The following NLGN1 variants were observed in gnomAD, a reference collection of about 807,000 sequenced individuals.
The protein encoded by NLGN1 is neuroligin-1.
A neutral mutation model predicts 65.5 loss-of-function variants in NLGN1; 12 were observed. That is an observed-to-expected ratio of 0.18 (90% CI 0.12 to 0.30). The LOEUF is 0.30. NLGN1 is among the 10% of genes least tolerant of loss of function. The pLI, the probability that NLGN1 is intolerant of heterozygous loss-of-function variation, is 1.00. For synonymous variants in NLGN1, 350 were observed against 359.5 expected (o/e 0.97, Z 0.30); for missense variants, 750 against 1,007.1 (o/e 0.74, Z 3.46).
At chr3:173,941,503 A>G (rs1746083654) in intron 4 of NLGN1, among the ~76,000 whole-genome samples, 1 of 151,972 alleles carries the variant, frequency 6.6e-6, no homozygotes, top group Non-Finnish European at 1.5e-5. Context: ...GCCTAAAACA[A>G]GGCAATTGAC....
intron 2 of NLGN1, among the ~76,000 whole-genome samples, chr3:173,528,287 A>G (rs551268068): frequency 2.0e-5 from 3 of 152,306 alleles, no homozygotes; most frequent in East Asian, 1.9e-4. Flanking sequence ...ATAGGTCTCA[A>G]TGTCTTCTGG....
chr3:173,696,110 C>T (rs1172652731), intron 3 of NLGN1, among the ~76,000 whole-genome samples: 1 of 152,120 alleles, frequency 6.6e-6, no homozygotes, highest in African/African-American at 2.4e-5. Flanking sequence ...CTGAGCCTGG[C>T]CTTATTTATA....
At chr3:173,424,268 C>T (rs1715690691) in intron 1 of NLGN1, among the ~76,000 whole-genome samples, 1 of 152,174 alleles carries the variant, frequency 6.6e-6, no homozygotes, top group South Asian at 2.1e-4. Flanking sequence ...GGAGGGGCTG[C>T]TCTGAAGGTC....
At chr3:173,897,942 A>T (rs563158469) in intron 4 of NLGN1, among the ~76,000 whole-genome samples, 74 of 152,324 alleles carry the variant, frequency 4.9e-4, no homozygotes, top group South Asian at 1.9e-3. Context: ...GTACTGTAAA[A>T]GTTAACACTG....
At chr3:173,941,791 G>T (rs933871458) in intron 4 of NLGN1, among the ~76,000 whole-genome samples, 3 of 151,672 alleles carry the variant, frequency 2.0e-5, no homozygotes, top group African/African-American at 7.3e-5. Context: ...AATTATTCAG[G>T]AACTAACTAT....
chr3:173,735,232 C>A (rs556773544), intron 3 of NLGN1, among the ~76,000 whole-genome samples: 1 of 152,126 alleles, frequency 6.6e-6, no homozygotes, highest in South Asian at 2.1e-4. Context: ...AAGTAACAAC[C>A]AAAATGCAAA....
chr3:173,397,488 A>C (rs1316315089), upstream of NLGN1, among the ~76,000 whole-genome samples: 2 of 151,844 alleles, frequency 1.3e-5, no homozygotes, highest in African/African-American at 4.8e-5. Context: ...GGCAGTTTGT[A>C]AATTGCCCGT....
At chr3:173,513,265 G>A (rs1733283726) in intron 2 of NLGN1, among the ~76,000 whole-genome samples, 2 of 151,998 alleles carry the variant, frequency 1.3e-5, no homozygotes, top group Non-Finnish European at 2.9e-5. Context: ...AGGTGGTAGA[G>A]CTCCTGTAGG....
chr3:174,205,799 T>G (rs9842042), intron 4 of NLGN1, among the ~76,000 whole-genome samples: 80,595 of 152,058 alleles, frequency 0.53, 22,087 homozygotes, highest in East Asian at 0.8. Flanking sequence ...TTTATTTTAA[T>G]ATGTTTCCAC....
At chr3:173,821,321 A>G (rs1720248101) in intron 4 of NLGN1, among the ~76,000 whole-genome samples, 1 of 152,188 alleles carries the variant, frequency 6.6e-6, no homozygotes, top group Non-Finnish European at 1.5e-5. Context: ...AACATGCTCA[A>G]ACAGAAGTAA....
chr3:173,993,942 A>G (rs889725466), intron 4 of NLGN1, among the ~76,000 whole-genome samples: 5 of 151,942 alleles, frequency 3.3e-5, no homozygotes, highest in African/African-American at 1.2e-4. Context: ...ATGTGTGTAT[A>G]TATATAGTAA....
intron 4 of NLGN1, among the ~76,000 whole-genome samples, chr3:174,028,139 A>C (rs1729227542): frequency 6.6e-6 from 1 of 152,180 alleles, no homozygotes; most frequent in South Asian, 2.1e-4. Context: ...TTTCCTTAAA[A>C]AGAGTACAGA....
intron 2 of NLGN1, among the ~76,000 whole-genome samples, chr3:173,493,235 A>C (rs918646733): frequency 1.3e-5 from 2 of 151,802 alleles, no homozygotes; most frequent in African/African-American, 2.4e-5. Flanking sequence ...CGCTTTTCTG[A>C]GAATTCTATC....
intron 3 of NLGN1, among the ~76,000 whole-genome samples, chr3:173,755,655 C>A (rs1467814641): frequency 6.6e-6 from 1 of 151,918 alleles, no homozygotes. Flanking sequence ...TTGTCCCAGT[C>A]TGAGTAGGTA....
At chr3:174,140,472 G>T (rs183914216) in intron 4 of NLGN1, among the ~76,000 whole-genome samples, 1 of 152,162 alleles carries the variant, frequency 6.6e-6, no homozygotes, top group African/African-American at 2.4e-5. Context: ...ATTTTATTCA[G>T]TCCTCAAAAC....
chr3:174,187,517 T>G (rs1453428815), intron 4 of NLGN1, among the ~76,000 whole-genome samples: 2 of 151,990 alleles, frequency 1.3e-5, no homozygotes, highest in African/African-American at 2.4e-5. Context: ...TTTAGAGAGA[T>G]AATGCTTTTG....
intron 3 of NLGN1, among the ~76,000 whole-genome samples, chr3:173,733,263 A>T (rs981345225): frequency 2.6e-5 from 4 of 152,050 alleles, no homozygotes; most frequent in Admixed American, 1.3e-4. Flanking sequence ...TAGAATAGAT[A>T]TTTTTTTGAA....
At chr3:174,113,370 G>A (rs1715666614) in intron 4 of NLGN1, among the ~76,000 whole-genome samples, 1 of 151,868 alleles carries the variant, frequency 6.6e-6, no homozygotes, top group South Asian at 2.1e-4. Context: ...CAAAATGAAA[G>A]CAAAACAAAA....
chr3:173,700,992 G>GC (rs1411031825), intron 3 of NLGN1, among the ~76,000 whole-genome samples: 1 of 152,130 alleles, frequency 6.6e-6, no homozygotes, highest in Non-Finnish European at 1.5e-5. Context: ...GGGCGTGGTG[G>GC]CGGGCGCCTG....
Sources: allele counts gnomAD v4.1 joint callset (sites outside exome capture counted in the v4.1 genomes callset), GRCh38; gene constraint gnomAD v4.1.1; transcripts MANE v1.5; gene names NCBI Gene and HGNC (gene_info 2026-07-23, HGNC 2026-07-21).